PFKFB3: variants seen among roughly 807,000 people sequenced by gnomAD.
The protein encoded by PFKFB3 is 6-phosphofructo-2-kinase/fructose-2,6-bisphosphatase 3.
Under a neutral mutation model 68.0 loss-of-function variants are expected in PFKFB3, and 33 were observed. The ratio of observed to expected loss-of-function variants is 0.49; its 90% CI spans 0.37 to 0.65. PFKFB3 has a LOEUF of 0.65. Among genes scored for constraint, PFKFB3 ranks in the 30% least tolerant of loss-of-function variants. PFKFB3 has a pLI of 0.00. For missense variants in PFKFB3, 586 were observed against 712.2 expected (o/e 0.82, Z 2.02); for synonymous variants, 315 against 288.2 (o/e 1.09, Z -0.94).
the PFKFB3 span, among the ~76,000 whole-genome samples, chr10:6,320,897 G>A: frequency 6.6e-6 from 1 of 152,138 alleles, no homozygotes; most frequent in South Asian, 2.1e-4. Flanking sequence ...CTTCAGAGTG[G>A]GAAATCACCT....
chr10:6,157,875 C>T (rs890282484), intron 1 of PFKFB3, among the ~76,000 whole-genome samples: 2 of 151,942 alleles, frequency 1.3e-5, no homozygotes, highest in Non-Finnish European at 2.9e-5. Context: ...TCCCAATCCA[C>T]GTTATGGAAA....
chr10:6,231,888 G>A (rs1360611076), intron 14 of PFKFB3, among the ~76,000 whole-genome samples: 2 of 151,796 alleles, frequency 1.3e-5, no homozygotes, highest in African/African-American at 2.4e-5. Context: ...CTCTCGGCGG[G>A]CACCCATCAC....
the PFKFB3 span, among the ~76,000 whole-genome samples, chr10:6,286,584 G>A: frequency 8.6e-5 from 13 of 150,778 alleles, no homozygotes; most frequent in East Asian, 2.0e-4. Context: ...CACTATGTTC[G>A]CCAGGCTGGT....
chr10:6,272,941 T>C, the PFKFB3 span, among the ~76,000 whole-genome samples: 1 of 151,448 alleles, frequency 6.6e-6, no homozygotes, highest in Admixed American at 6.6e-5. Context: ...AAGAAAATAC[T>C]TCCCATTCTC....
intron 1 of PFKFB3, among the ~76,000 whole-genome samples, chr10:6,206,677 C>T (rs1404996827): frequency 4.6e-5 from 7 of 151,690 alleles, no homozygotes; most frequent in African/African-American, 1.7e-4. Flanking sequence ...CTCCCCACAT[C>T]TCAGACGATG....
At chr10:6,209,577 G>A (rs931906053) in intron 1 of PFKFB3, among the ~76,000 whole-genome samples, 1 of 151,168 alleles carries the variant, frequency 6.6e-6, no homozygotes, top group Admixed American at 6.6e-5. Context: ...AGGTTCAAGC[G>A]ATTCTCCTAC....
the PFKFB3 span, among the ~76,000 whole-genome samples, chr10:6,281,447 A>G: frequency 2.6e-5 from 4 of 152,154 alleles, no homozygotes; most frequent in African/African-American, 9.6e-5. Context: ...GGACAACCAC[A>G]TGCCCAGCTA....
chr10:6,206,712 ACTGC>A (rs1216378853), intron 1 of PFKFB3, among the ~76,000 whole-genome samples: 1 of 150,920 alleles, frequency 6.6e-6, no homozygotes, highest in Non-Finnish European at 1.5e-5. Flanking sequence ...GATGCTCCTC[ACTGC>A]CTAGATGGGA....
intron 1 of PFKFB3, among the ~76,000 whole-genome samples, chr10:6,186,536 T>A (rs1842872616): frequency 6.6e-6 from 1 of 152,272 alleles, no homozygotes; most frequent in Non-Finnish European, 1.5e-5. Context: ...TATTTAGTTA[T>A]CAGGGGAAAC....
intron 1 of PFKFB3, among the ~76,000 whole-genome samples, chr10:6,205,184 G>A (rs1444339882): frequency 6.6e-6 from 1 of 150,406 alleles, no homozygotes; most frequent in Non-Finnish European, 1.5e-5. Flanking sequence ...TATAGTCTCA[G>A]ACACATTCCT....
downstream of PFKFB3, among the ~76,000 whole-genome samples, chr10:6,237,479 G>A (rs963712923): frequency 2.0e-5 from 3 of 152,256 alleles, no homozygotes; most frequent in Admixed American, 6.5e-5. Flanking sequence ...GTCGTTGAAA[G>A]TAACTTTTTT....
intron 1 of PFKFB3, among the ~76,000 whole-genome samples, chr10:6,168,562 G>A (rs1403901535): frequency 1.3e-5 from 2 of 152,190 alleles, no homozygotes; most frequent in Admixed American, 1.3e-4. Flanking sequence ...CCCTGCTGGT[G>A]GCCACTGGAA....
rs1215246097 is a variant in PFKFB3 at position 6,234,904 on chromosome 10, C to T, written c.*1962C>T. On this transcript the variant is annotated 3_prime_UTR_variant, in exon 15 of 15. Coordinates refer to ENST00000379775, the MANE Select transcript of PFKFB3 (RefSeq NM_004566.4). ...CACGGGACTTTTAGTTTGCGAAGGG[C>T]CTAGATAGGGAGAGAGGTAACATGA... The T allele has an allele frequency of 6.6e-6, 1 of 151,956 alleles. No individual in the cohort carries two copies. Among genetic ancestry groups the T allele is most frequent in the South Asian group, 2.1e-4 (1 of 4,804 alleles). The allele number at this position is 151,956 out of a possible 1,614,324, so 9.4% of individuals were successfully genotyped here.
intron 1 of PFKFB3, among the ~76,000 whole-genome samples, chr10:6,184,537 C>T (rs909617066): frequency 3.3e-5 from 5 of 151,116 alleles, no homozygotes; most frequent in Admixed American, 3.3e-4. Flanking sequence ...ATGGTGTGAT[C>T]TCGGCTCACT....
chr10:6,321,017 T>C, the PFKFB3 span, among the ~76,000 whole-genome samples: 1 of 152,202 alleles, frequency 6.6e-6, no homozygotes. Flanking sequence ...CTTTTTACCC[T>C]GCAGTGGACA....
At chr10:6,205,388 CT>C (rs3084014) in intron 1 of PFKFB3, among the ~76,000 whole-genome samples, 75 of 106,500 alleles carry the variant, frequency 7.0e-4, no homozygotes, top group Non-Finnish European at 1.1e-3. Flanking sequence ...TTCTTTCTTC[CT>C]TTTTTTTTTT....
the PFKFB3 span, among the ~76,000 whole-genome samples, chr10:6,267,165 T>A: frequency 1.3e-5 from 2 of 152,246 alleles, no homozygotes; most frequent in South Asian, 2.1e-4. Flanking sequence ...AACTCATAAG[T>A]GGGTTCACCA....
At chr10:6,284,135 G>C in the PFKFB3 span, among the ~76,000 whole-genome samples, 1 of 152,206 alleles carries the variant, frequency 6.6e-6, no homozygotes, top group Non-Finnish European at 1.5e-5. Context: ...TTCCATGTGA[G>C]CTTGAGAAGA....
chr10:6,249,049 C>T (rs1024937193), intron 14 of PFKFB3, among the ~76,000 whole-genome samples: 6 of 152,026 alleles, frequency 3.9e-5, no homozygotes, highest in Admixed American at 6.6e-5. Context: ...TGGCACATGC[C>T]TGTCATCCTA....
Sources: allele counts gnomAD v4.1 joint callset (sites outside exome capture counted in the v4.1 genomes callset), GRCh38; gene constraint gnomAD v4.1.1; transcripts MANE v1.5; gene names NCBI Gene and HGNC (gene_info 2026-07-23, HGNC 2026-07-21).